The following ANGPTL2 variants were observed in gnomAD, a reference collection of about 807,000 sequenced individuals.
ANGPTL2 encodes angiopoietin-related protein 2.
A neutral mutation model predicts 52.8 loss-of-function variants in ANGPTL2; 25 were observed. The ratio of observed to expected loss-of-function variants is 0.47; its 90% CI spans 0.35 to 0.66. ANGPTL2 has a LOEUF of 0.66. ANGPTL2 is among the 30% of genes least tolerant of loss of function. ANGPTL2 has a pLI of 0.01. For missense variants in ANGPTL2, 546 were observed against 656.9 expected, an observed-to-expected ratio of 0.83 and a Z score of 1.84; for synonymous variants, 276 against 277.4, an observed-to-expected ratio of 1.00 and a Z score of 0.05.
intron 1 of ANGPTL2, among the ~76,000 whole-genome samples, chr9:127,112,180 G>A (rs2054884903): frequency 6.6e-6 from 1 of 152,252 alleles, no homozygotes; most frequent in Non-Finnish European, 1.5e-5. Flanking sequence ...AGAGAAAGGT[G>A]TGTGGGAGCT....
intron 1 of ANGPTL2, among the ~76,000 whole-genome samples, chr9:127,121,824 C>G (rs1350965702): frequency 6.6e-6 from 1 of 152,204 alleles, no homozygotes; most frequent in Non-Finnish European, 1.5e-5. Context: ...CTGTAACTCT[C>G]CGAGCAGGGG....
At position 127,088,942 on chromosome 9, in the gene ANGPTL2, G is replaced by C. The variant is rs2052103374; in HGVS notation, c.1479C>G (p.His493Gln). Residue 493 changes from histidine (H) to glutamine (Q), a missense_variant, in exon 5 of 5, where the codon CAC becomes CAG. Around this residue, in one of 2 missense-constraint regions of ANGPTL2, gnomAD observed 261 missense variants for 361.0 expected, o/e 0.72. Coordinates refer to ENST00000373425, the MANE Select transcript of ANGPTL2 (RefSeq NM_012098.3). ...MMIRPNPNTF[H>Q] ...GAGGTCAGGAGGGGGAGCTGGCTTA[G>C]TGGAAGGTGTTGGGGTTCGGTCGGA... The C allele has an allele frequency of 1.9e-6, 3 of 1,614,100 alleles. No individual in the cohort carries two copies. The highest frequency in any genetic ancestry group is 1.1e-5 in the South Asian group (1 of 91,084).
chr9:127,099,469 T>G (rs2053503973), intron 2 of ANGPTL2, among the ~76,000 whole-genome samples: 1 of 152,294 alleles, frequency 6.6e-6, no homozygotes, highest in Admixed American at 6.5e-5. Flanking sequence ...CCTACCCAAA[T>G]TAATGCATCT....
At position 127,108,141 on chromosome 9, in the gene ANGPTL2, G is replaced by A. The variant is rs777044764; in HGVS notation, c.591C>T (p.Ile197=). 6 of 1,614,072 alleles carry A rather than the reference G, an allele frequency of 3.7e-6. No homozygotes were observed. The African/African-American group carries it at 4.0e-5, about 11-fold the overall frequency. The change falls in exon 2 of 5, where the codon ATC becomes ATT. Residue 197 remains isoleucine (I), a synonymous_variant. Coordinates refer to ENST00000373425, the MANE Select transcript of ANGPTL2 (RefSeq NM_012098.3). ...TCTGGCAGTGCTCCTCAAGCTGCGC[G>A]ATGATCTCTGATTGGTTGTGGGCCA... The part of the protein sequence containing the change: ...ATLAHNQSEI[I]AQLEEHCQRV...
intron 2 of ANGPTL2, among the ~76,000 whole-genome samples, chr9:127,101,588 T>G (rs2053735328): frequency 6.6e-6 from 1 of 152,140 alleles, no homozygotes; most frequent in South Asian, 2.1e-4. Context: ...CCAATAATAA[T>G]AAATCCATCT....
At chr9:127,118,924 G>C (rs976831546) in intron 1 of ANGPTL2, among the ~76,000 whole-genome samples, 2 of 152,324 alleles carry the variant, frequency 1.3e-5, no homozygotes, top group South Asian at 2.1e-4. Flanking sequence ...GAAATTGCTC[G>C]TGTGTGGCCC....
chr9:127,114,638 G>T (rs149621875), intron 1 of ANGPTL2, among the ~76,000 whole-genome samples: 78 of 152,276 alleles, frequency 5.1e-4, no homozygotes, highest in Middle Eastern at 6.8e-3. Flanking sequence ...CTCACCACCC[G>T]TCCTCTGGTC....
chr9:127,115,176 AC>A (rs1398891277), intron 1 of ANGPTL2, among the ~76,000 whole-genome samples: 3 of 151,768 alleles, frequency 2.0e-5, no homozygotes, highest in Admixed American at 6.6e-5. Flanking sequence ...CTGTTGTCTT[AC>A]GTAATTATTA....
At chr9:127,094,189 C>A (rs2052839931) in intron 2 of ANGPTL2, among the ~76,000 whole-genome samples, 2 of 152,198 alleles carry the variant, frequency 1.3e-5, no homozygotes, top group African/African-American at 4.8e-5. Flanking sequence ...CAGACTTCTT[C>A]ATTCTCCCAG....
At chr9:127,114,741 G>A (rs1182476326) in intron 1 of ANGPTL2, among the ~76,000 whole-genome samples, 2 of 152,232 alleles carry the variant, frequency 1.3e-5, no homozygotes, top group African/African-American at 4.8e-5. Context: ...CCTGAGAAGC[G>A]GGCCTCTGCC....
chr9:127,119,869 A>G (rs990286815), intron 1 of ANGPTL2, among the ~76,000 whole-genome samples: 4 of 152,220 alleles, frequency 2.6e-5, no homozygotes, highest in African/African-American at 9.7e-5. Flanking sequence ...CTGCCCAGAG[A>G]AGACAGTGAG....
In ANGPTL2 at chr9:127,091,664, T is replaced by C; in HGVS notation, c.1282+6A>G. The C allele has an allele frequency of 6.2e-7, 1 of 1,611,098 alleles. No homozygotes were observed. The highest frequency in any genetic ancestry group is 8.5e-7 in the Non-Finnish European group (1 of 1,178,030). On this transcript the variant is annotated splice_donor_region_variant and intron_variant, in intron 4 of 4. Coordinates refer to ENST00000373425, the MANE Select transcript of ANGPTL2 (RefSeq NM_012098.3). The surrounding 1 kb of genome is among the most constrained non-coding windows in gnomAD (Gnocchi z 4.3). Reference sequence around the variant, plus strand: ...CTGCACCTGGGTTTGACTCCACTTTTCCTACCTGTGTAGACATCATGATCT... The same window carrying C: ...CTGCACCTGGGTTTGACTCCACTTTCCCTACCTGTGTAGACATCATGATCT...
chr9:127,096,932 A>G (rs572409363), intron 2 of ANGPTL2, among the ~76,000 whole-genome samples: 125 of 152,308 alleles, frequency 8.2e-4, no homozygotes, highest in African/African-American at 2.9e-3. Flanking sequence ...TGTGGTCATT[A>G]GAGGAGCCCC....
chr9:127,110,036 C>T (rs2054640679), intron 1 of ANGPTL2, among the ~76,000 whole-genome samples: 1 of 152,200 alleles, frequency 6.6e-6, no homozygotes, highest in African/African-American at 2.4e-5. Flanking sequence ...TTTCTCTCAA[C>T]TTAAAACCCT....
chr9:127,121,127 T>C (rs2137709869), intron 1 of ANGPTL2, among the ~76,000 whole-genome samples: 1 of 152,316 alleles, frequency 6.6e-6, no homozygotes, highest in East Asian at 1.9e-4. Context: ...CAGGGATGAA[T>C]AATAATGCCT....
rs969237487 is a variant in ANGPTL2, at chr9:127,087,866, C to T, written c.*1073G>A. 6 of 152,522 alleles carry T rather than the reference C, an allele frequency of 3.9e-5. No individual in the cohort carries two copies. Among genetic ancestry groups the T allele is most frequent in the African/African-American group, 1.4e-4 (6 of 41,432 alleles). The allele number at this position is 152,522 out of a possible 1,614,324, so 9.4% of individuals were successfully genotyped here. On this transcript the variant is annotated 3_prime_UTR_variant, in exon 5 of 5. Transcript: ENST00000373425. ...ATGACTTCTGTTCTGAGATAATTCT[C>T]CTGGCCAGATAGGTTATTATTTGTG...
rs757453120 is a variant in ANGPTL2, at chr9:127,107,944, CTGGTGAGAG to C, written c.779_787del (p.Thr260_Thr262del). On this transcript the variant is annotated inframe_deletion, in exon 2 of 5. Coordinates refer to ENST00000373425, the MANE Select transcript of ANGPTL2 (RefSeq NM_012098.3). ...CGGCTTGTCGGTGGAAGATGGGAGG[CTGGTGAGAG>C]TGGGCATAGTGGGCAGAGGGGGTGG... 6.5e-6 allele frequency: 10 copies of C among 1,541,298 alleles called. No homozygotes were observed. The African/African-American group carries it at 1.2e-4, about 19-fold the overall frequency.
chr9:127,098,088 A>G (rs2053335069), intron 2 of ANGPTL2, among the ~76,000 whole-genome samples: 1 of 152,094 alleles, frequency 6.6e-6, no homozygotes, highest in Admixed American at 6.6e-5. Context: ...TCCTCCACAC[A>G]CGTTACTATA....
intron 2 of ANGPTL2, among the ~76,000 whole-genome samples, chr9:127,106,747 G>A (rs1368193935): frequency 6.6e-6 from 1 of 152,172 alleles, no homozygotes; most frequent in African/African-American, 2.4e-5. Flanking sequence ...TGCTGCCCTT[G>A]TCCTCTGCAC....
Sources: allele counts gnomAD v4.1 joint callset (sites outside exome capture counted in the v4.1 genomes callset), GRCh38; gene constraint gnomAD v4.1.1; regional missense constraint gnomAD v4.1.1; non-coding constraint Gnocchi (gnomAD v3.1); transcripts MANE v1.5; gene names NCBI Gene and HGNC (gene_info 2026-07-23, HGNC 2026-07-21).